The following FMNL2 variants were observed in gnomAD, a reference collection of about 807,000 sequenced individuals.
FMNL2 encodes the protein formin like 2.
Under a neutral mutation model 130.2 loss-of-function variants are expected in FMNL2, and 51 were observed. The ratio of observed to expected loss-of-function variants is 0.39; its 90% CI spans 0.31 to 0.49. The LOEUF is 0.49. FMNL2 is among the 20% of genes least tolerant of loss of function. The pLI, the probability that FMNL2 is intolerant of heterozygous loss-of-function variation, is 0.85. For missense variants in FMNL2, 977 were observed against 1,316.2 expected (o/e 0.74, Z 3.99); for synonymous variants, 465 against 467.1 (o/e 1.00, Z 0.06).
At chr2:152,410,646 G>T (rs1164162014) in intron 1 of FMNL2, among the ~76,000 whole-genome samples, 3 of 152,168 alleles carry the variant, frequency 2.0e-5, no homozygotes, top group African/African-American at 7.2e-5. Flanking sequence ...GCTCACGCCT[G>T]GTGGACCACC....
chr2:152,615,031 T>G lies in FMNL2; in HGVS notation c.1212+31T>G, dbSNP rs1698877651. The G allele has an allele frequency of 1.9e-6, 3 of 1,603,062 alleles. No individual in the cohort carries two copies. In the African/African-American group the frequency reaches 4.0e-5, roughly 22 times the overall value. On this transcript the variant is annotated intron_variant, in intron 12 of 25. Coordinates refer to ENST00000288670, the MANE Select transcript of FMNL2 (RefSeq NM_052905.4). ...TATATCTCAGAAAAGGAAAAATTGC[T>G]TACATTTCAGCTGGTTGCAAAGCAG...
At chr2:152,391,296 G>T (rs553182812) in intron 1 of FMNL2, among the ~76,000 whole-genome samples, 15 of 152,326 alleles carry the variant, frequency 9.8e-5, no homozygotes, top group African/African-American at 3.1e-4. Context: ...AACTGGTAAT[G>T]ACCTTCTGGG....
Position 152,350,136 on chromosome 2 carries a change from G to C in FMNL2, c.117+14416G>C, listed in dbSNP as rs372135392. On this transcript the variant is annotated intron_variant, in intron 1 of 25. Coordinates refer to ENST00000288670, the MANE Select transcript of FMNL2 (RefSeq NM_052905.4). Reference sequence around the variant, plus strand: ...TGTGAAGTGGTGTCATCCCGATAAGGTCTGAGTGAGGAGGAGCAGGCAGCT... The same window carrying C: ...TGTGAAGTGGTGTCATCCCGATAAGCTCTGAGTGAGGAGGAGCAGGCAGCT... Among the ~76,000 whole-genome samples, 7 of 152,298 alleles carry C rather than the reference G, an allele frequency of 4.6e-5. No individual in the cohort carries two copies. In the East Asian group the frequency reaches 7.7e-4, roughly 17 times the overall value.
At chr2:152,606,872 T>C (rs977066160) in intron 9 of FMNL2, among the ~76,000 whole-genome samples, 3 of 152,028 alleles carry the variant, frequency 2.0e-5, no homozygotes, top group African/African-American at 7.2e-5. Context: ...TTGTAGTTTA[T>C]GCACTGAGAT....
intron 4 of FMNL2, among the ~76,000 whole-genome samples, chr2:152,555,812 A>G (rs927206993): frequency 6.6e-6 from 1 of 152,220 alleles, no homozygotes; most frequent in African/African-American, 2.4e-5. Flanking sequence ...TAATCACCCA[A>G]TTTGAAACTG....
chr2:152,391,943 C>T (rs1440319788), intron 1 of FMNL2, among the ~76,000 whole-genome samples: 4 of 126,518 alleles, frequency 3.2e-5, no homozygotes, highest in Non-Finnish European at 6.6e-5. Flanking sequence ...CATATTGTCT[C>T]GAAAACATCT....
intron 3 of FMNL2, among the ~76,000 whole-genome samples, chr2:152,547,582 A>G (rs1297450561): frequency 2.0e-5 from 3 of 152,176 alleles, no homozygotes; most frequent in Non-Finnish European, 2.9e-5. Flanking sequence ...AGAAGATGAC[A>G]GGGTAACAGG....
At chr2:152,413,458 A>G (rs1175300237) in intron 1 of FMNL2, among the ~76,000 whole-genome samples, 1 of 152,168 alleles carries the variant, frequency 6.6e-6, no homozygotes. Flanking sequence ...ATTACTGCTA[A>G]CCAAACAGTA....
At chr2:152,484,530 A>G (rs958509308) in intron 1 of FMNL2, among the ~76,000 whole-genome samples, 2 of 151,888 alleles carry the variant, frequency 1.3e-5, no homozygotes, top group African/African-American at 4.8e-5. Context: ...CTAGCTACAC[A>G]GGAGGCTGAG....
chr2:152,508,228 A>T (rs1221438168), intron 1 of FMNL2, among the ~76,000 whole-genome samples: 2 of 152,174 alleles, frequency 1.3e-5, no homozygotes, highest in Non-Finnish European at 2.9e-5. Flanking sequence ...CAGACCCCCG[A>T]GATAGGATGG....
intron 2 of FMNL2, among the ~76,000 whole-genome samples, chr2:152,542,064 C>T (rs1694340374): frequency 6.6e-6 from 1 of 152,142 alleles, no homozygotes; most frequent in South Asian, 2.1e-4. Flanking sequence ...CACCTCTGAC[C>T]TACATTCAGA....
At chr2:152,573,213 G>T (rs1157532635) in intron 6 of FMNL2, among the ~76,000 whole-genome samples, 1 of 152,176 alleles carries the variant, frequency 6.6e-6, no homozygotes, top group Non-Finnish European at 1.5e-5. Flanking sequence ...ATGCCTATAT[G>T]CTGCTGTTTT....
intron 1 of FMNL2, among the ~76,000 whole-genome samples, chr2:152,420,555 G>A (rs1686855910): frequency 6.6e-6 from 1 of 152,124 alleles, no homozygotes; most frequent in African/African-American, 2.4e-5. Context: ...TGACAAGGAT[G>A]GTACTCAGCA....
chr2:152,375,896 T>TAA (rs773754345), intron 1 of FMNL2, among the ~76,000 whole-genome samples: 2 of 143,672 alleles, frequency 1.4e-5, no homozygotes, highest in African/African-American at 2.6e-5. Flanking sequence ...TATATATATA[T>TAA]AATTATTATT....
At chr2:152,337,692 T>G (rs1681557052) in intron 1 of FMNL2, among the ~76,000 whole-genome samples, 1 of 152,156 alleles carries the variant, frequency 6.6e-6, no homozygotes, top group South Asian at 2.1e-4. Flanking sequence ...ATCCCAAGCT[T>G]CTTGGGGCAG....
chr2:152,554,652 ACAGGTTTTC>A (rs1192437467), intron 4 of FMNL2, among the ~76,000 whole-genome samples: 15 of 152,208 alleles, frequency 9.9e-5, no homozygotes, highest in Non-Finnish European at 2.2e-4. Flanking sequence ...GGTGGTGAAT[ACAGGTTTTC>A]CAGAATTCTA....
chr2:152,540,755 TG>T (rs1251947654), intron 2 of FMNL2, among the ~76,000 whole-genome samples: 12 of 151,384 alleles, frequency 7.9e-5, no homozygotes, highest in Admixed American at 6.6e-4. Flanking sequence ...GACGAGTTAG[TG>T]GGTGCAGCGC....
chr2:152,543,895 T>C (rs1251362486), intron 3 of FMNL2, among the ~76,000 whole-genome samples: 1 of 152,150 alleles, frequency 6.6e-6, no homozygotes, highest in Non-Finnish European at 1.5e-5. Context: ...GTATGTCATA[T>C]GTGACTTGAA....
At chr2:152,379,978 A>G (rs1464210966) in intron 1 of FMNL2, among the ~76,000 whole-genome samples, 1 of 152,216 alleles carries the variant, frequency 6.6e-6, no homozygotes, top group Non-Finnish European at 1.5e-5. Context: ...CTAGAAATAG[A>G]TTCAGTTATA....
Sources: allele counts gnomAD v4.1 joint callset (sites outside exome capture counted in the v4.1 genomes callset), GRCh38; gene constraint gnomAD v4.1.1; transcripts MANE v1.5; gene names NCBI Gene and HGNC (gene_info 2026-07-23, HGNC 2026-07-21).